MTUS2: variants seen among roughly 807,000 people sequenced by gnomAD.
MTUS2 encodes microtubule associated scaffold protein 2.
MTUS2 carries 40 observed loss-of-function variants against 114.1 expected under a neutral mutation model. The ratio of observed to expected loss-of-function variants is 0.35; its 90% confidence interval spans 0.27 to 0.46. The LOEUF is 0.46. Ranked by LOEUF, MTUS2 falls within the 20% of genes least tolerant of loss-of-function variation. The probability of loss-of-function intolerance (pLI) is 1.00; values close to 1 mark genes in which losing one functional copy is unlikely to be tolerated. For synonymous variants in MTUS2, 688 were observed against 672.0 expected (o/e 1.02, Z -0.37); for missense variants, 1,679 against 1,705.4 (o/e 0.98, Z 0.27).
intron 5 of MTUS2, among the ~76,000 whole-genome samples, chr13:29,216,423 G>A (rs751101588): frequency 7.2e-5 from 11 of 152,294 alleles, no homozygotes; most frequent in South Asian, 2.1e-4. Context: ...ACTGGGATAC[G>A]AAAAGAAACT....
At chr13:29,261,608 T>G (rs1484168033) in intron 5 of MTUS2, among the ~76,000 whole-genome samples, 1 of 152,232 alleles carries the variant, frequency 6.6e-6, no homozygotes, top group Non-Finnish European at 1.5e-5. Flanking sequence ...TATTGCTCTA[T>G]TAATAAAAGC....
intron 2 of MTUS2, among the ~76,000 whole-genome samples, chr13:28,975,463 G>GCCTGTGGCAGCATTGCCCTCC (rs1884049359): frequency 5.5e-5 from 1 of 18,274 alleles, no homozygotes; most frequent in Non-Finnish European, 1.9e-4. Flanking sequence ...TTCCAATCTC[G>GCCTGTGGCAGCATTGCCCTCC]CCTGCGGCAG....
At chr13:29,348,606 C>T (rs1268721966) in intron 7 of MTUS2, among the ~76,000 whole-genome samples, 1 of 152,116 alleles carries the variant, frequency 6.6e-6, no homozygotes, top group Non-Finnish European at 1.5e-5. Flanking sequence ...TATTCTATAC[C>T]CTTACTGATT....
In MTUS2 at chr13:29,504,706, T is replaced by C. The variant is rs1174258159; in HGVS notation, c.*1500T>C. 6.9e-5 allele frequency: 16 copies of C among 233,142 alleles called. No homozygotes were observed. Among genetic ancestry groups the C allele is most frequent in the Non-Finnish European group, 8.5e-5 (10 of 118,060 alleles). 14.4% of individuals were successfully genotyped at this position (233,142 alleles called of 1,614,324 possible). On this transcript the variant is annotated 3_prime_UTR_variant, in exon 16 of 16. Coordinates refer to ENST00000612955, the MANE Select transcript of MTUS2 (RefSeq NM_001033602.4). ...AAGGAAGAAGTAGTTTTAACAGATA[T>C]GGTGATGATGATGATGCCCTTGTTT...
intron 5 of MTUS2, among the ~76,000 whole-genome samples, chr13:29,256,118 AG>A (rs1216887455): frequency 6.6e-6 from 1 of 152,212 alleles, no homozygotes; most frequent in African/African-American, 2.4e-5. Flanking sequence ...TCATCTTAGA[AG>A]GGCACTGGAG....
In MTUS2 at chr13:28,972,351, A is replaced by G. The variant is rs1156665107; in HGVS notation, c.-242-52106A>G. 3.3e-5 allele frequency among the ~76,000 whole-genome samples: 5 copies of G among 152,204 alleles called. No individual in the cohort carries two copies. In the South Asian group the frequency reaches 6.2e-4, roughly 19 times the overall value. The stretch of plus-strand genomic sequence containing the variant: ...AGAAAACAGTCAGCATTATTAACCT[A>G]AGAAATAATTGGTCCCCACAATGTC... On this transcript the variant is annotated intron_variant, in intron 2 of 15. Transcript: ENST00000612955.
intron 8 of MTUS2, among the ~76,000 whole-genome samples, chr13:29,388,870 T>C (rs950394255): frequency 6.6e-6 from 1 of 152,034 alleles, no homozygotes; most frequent in African/African-American, 2.4e-5. Flanking sequence ...TTCTCAACTT[T>C]TGTGTCCATT....
intron 2 of MTUS2, among the ~76,000 whole-genome samples, chr13:29,013,995 C>T (rs1566292453): frequency 6.6e-6 from 1 of 152,244 alleles, no homozygotes; most frequent in Non-Finnish European, 1.5e-5. Flanking sequence ...ATAGCAATTT[C>T]TCCAAGGATT....
At chr13:29,350,272 C>T (rs1869115267) in intron 7 of MTUS2, among the ~76,000 whole-genome samples, 1 of 151,156 alleles carries the variant, frequency 6.6e-6, no homozygotes, top group African/African-American at 2.4e-5. Context: ...TGGCTGGAGG[C>T]TCGGGAGAAA....
chr13:29,447,119 TA>T (rs58143232), intron 9 of MTUS2, among the ~76,000 whole-genome samples: 1 of 151,462 alleles, frequency 6.6e-6, no homozygotes, highest in Non-Finnish European at 1.5e-5. Context: ...TATTCCAAAA[TA>T]AAAAAAAATC....
chr13:28,889,283 C>CT (rs563463890), intron 2 of MTUS2, among the ~76,000 whole-genome samples: 2 of 152,258 alleles, frequency 1.3e-5, no homozygotes, highest in South Asian at 4.1e-4. Flanking sequence ...TTCGGGTTCA[C>CT]TTACTTGCAA....
chr13:29,007,665 T>A (rs890343655), intron 2 of MTUS2, among the ~76,000 whole-genome samples: 14 of 152,362 alleles, frequency 9.2e-5, no homozygotes, highest in Non-Finnish European at 2.1e-4. Flanking sequence ...ATGACAAGGA[T>A]GAAGACCTTT....
chr13:29,377,078 A>T (rs1871814158), intron 8 of MTUS2, among the ~76,000 whole-genome samples: 2 of 152,200 alleles, frequency 1.3e-5, no homozygotes, highest in Non-Finnish European at 2.9e-5. Context: ...ATGTGTTTGC[A>T]TCTAACTACA....
chr13:29,327,264 A>G (rs117039707), intron 7 of MTUS2, among the ~76,000 whole-genome samples: 30 of 152,326 alleles, frequency 2.0e-4, no homozygotes, highest in Admixed American at 9.8e-4. Context: ...AAACTACCCT[A>G]TGCTTAAAGT....
intron 9 of MTUS2, among the ~76,000 whole-genome samples, chr13:29,472,172 G>A (rs1270605887): frequency 2.0e-5 from 3 of 152,112 alleles, no homozygotes; most frequent in Non-Finnish European, 4.4e-5. Context: ...TTACAGGCAC[G>A]TGCCACCAAG....
At chr13:28,956,148 AACAT>A (rs1173325708) in intron 2 of MTUS2, among the ~76,000 whole-genome samples, 1 of 149,182 alleles carries the variant, frequency 6.7e-6, no homozygotes, top group Non-Finnish European at 1.5e-5. Context: ...TACCAGTGAG[AACAT>A]ACAATGTTTG....
At chr13:29,335,402 A>G (rs1272046591) in intron 7 of MTUS2, among the ~76,000 whole-genome samples, 3 of 152,150 alleles carry the variant, frequency 2.0e-5, no homozygotes, top group Non-Finnish European at 4.4e-5. Flanking sequence ...CCGAAACTTC[A>G]TTAGCAATTT....
chr13:29,163,521 C>T (rs1025670873), intron 5 of MTUS2, among the ~76,000 whole-genome samples: 10 of 152,112 alleles, frequency 6.6e-5, no homozygotes, highest in South Asian at 6.2e-4. Flanking sequence ...TCAGCACACC[C>T]GTGTGCATAT....
At chr13:29,248,517 A>G (rs1261526154) in intron 5 of MTUS2, among the ~76,000 whole-genome samples, 1 of 152,180 alleles carries the variant, frequency 6.6e-6, no homozygotes, top group East Asian at 1.9e-4. Context: ...TGGTGAATGT[A>G]CAGGTTTGTA....
Sources: gnomAD v4.1 joint callset for allele counts (sites outside exome capture counted in the v4.1 genomes callset) on GRCh38, gnomAD v4.1.1 for gene constraint, MANE v1.5 for transcripts, NCBI Gene and HGNC (gene_info 2026-07-23, HGNC 2026-07-21) for gene names.